The following PDE2A variants were observed in gnomAD, a reference collection of about 807,000 sequenced individuals.
The protein encoded by PDE2A is phosphodiesterase 2A, also known as cGMP-dependent 3',5'-cyclic phosphodiesterase.
PDE2A carries 53 observed loss-of-function variants against 133.6 expected under a neutral mutation model. The observed-to-expected ratio is 0.40, with a 90% CI of 0.32 to 0.50. The LOEUF (loss-of-function observed/expected upper bound fraction) is 0.50. Among genes scored for constraint, PDE2A ranks in the 20% least tolerant of loss-of-function variants. The pLI is 0.73. For missense variants in PDE2A, 796 were observed against 1,232.4 expected (o/e 0.65, Z 5.30); for synonymous variants, 491 against 490.2 (o/e 1.00, Z -0.02).
intron 23 of PDE2A, 102 bp downstream of exon 23, chr11:72,581,255 T>A (rs1038859650): frequency 3.3e-6 from 4 of 1,199,864 alleles, no homozygotes; most frequent in Non-Finnish European, 3.6e-6. Context: ...GAAGATCCCA[T>A]GAGGCAGTGC....
In PDE2A at chr11:72,590,851, G is replaced by T. The variant is rs1176856815; in HGVS notation, c.550-271C>A. The T allele has an allele frequency of 9.8e-6, 4 of 407,520 alleles. No homozygotes were observed. Among genetic ancestry groups the T allele is most frequent in the Non-Finnish European group, 1.7e-5 (4 of 232,732 alleles). The allele number at this position is 407,520 out of a possible 1,614,324, so 25.2% of individuals were successfully genotyped here. ...TAGATTCTTCCAAGACAAGATGTCA[G>T]ATTTCTGTCTCCAGCCCCCTCAGGA... On this transcript the variant is annotated intron_variant, in intron 7 of 30. Transcript: ENST00000334456. This position sits in a 1 kb window ranked among gnomAD's most constrained non-coding sequence, Gnocchi z 4.8.
At chr11:72,653,241 CAA>C (rs1854796667) in intron 1 of PDE2A, among the ~76,000 whole-genome samples, 1 of 152,096 alleles carries the variant, frequency 6.6e-6, no homozygotes, top group East Asian at 1.9e-4. Context: ...AAGAAGGAGG[CAA>C]AGAGGTCAAG....
intron 2 of PDE2A, among the ~76,000 whole-genome samples, chr11:72,640,411 G>GCA: frequency 6.6e-6 from 1 of 150,690 alleles, no homozygotes; most frequent in Admixed American, 6.6e-5. Flanking sequence ...GTACATGCAC[G>GCA]CACACACACA....
chr11:72,582,830 C>T (rs1199731040), intron 20 of PDE2A, among the ~76,000 whole-genome samples: 1 of 152,152 alleles, frequency 6.6e-6, no homozygotes, highest in East Asian at 1.9e-4. Flanking sequence ...TTCATGACAC[C>T]CCCTAACCAT....
At chr11:72,583,398 G>A (rs1182074137) in intron 20 of PDE2A, 40 bp downstream of exon 20, 17 of 1,407,530 alleles carry the variant, frequency 1.2e-5, no homozygotes, top group Non-Finnish European at 1.7e-5. Flanking sequence ...GGGTCCCCGG[G>A]GAATCTGGGA....
chr11:72,658,223 T>C (rs1854952747), intron 1 of PDE2A: 2 of 429,148 alleles, frequency 4.7e-6, no homozygotes, highest in Admixed American at 4.9e-5. Context: ...GGGTGAGGGT[T>C]CTGGTCTCCC....
intron 4 of PDE2A, among the ~76,000 whole-genome samples, chr11:72,601,300 GAGGCTGCCCACTGTCACTGGGCCC>G: frequency 1.2e-5 from 1 of 86,112 alleles, no homozygotes; most frequent in Admixed American, 1.3e-4. Context: ...TCACCTCACT[GAGGCTGCCCACTGTCACTGGGCCC>G]CCATCCCCTC....
At chr11:72,596,340 A>G (rs1856475703) in intron 6 of PDE2A, among the ~76,000 whole-genome samples, 1 of 152,044 alleles carries the variant, frequency 6.6e-6, no homozygotes, top group African/African-American at 2.4e-5. Flanking sequence ...TGACTGGGCC[A>G]ATGGCTTCAT....
Position 72,578,370 on chromosome 11 carries a change from T to G in PDE2A, c.2509-31A>C. The stretch of plus-strand genomic sequence containing the variant: ...GGCATCGAGTCGTCAGGCCTGTCCC[T>G]CTCATTCCTCCATCGGGTACCAGGG... On this transcript the variant is annotated intron_variant, in intron 29 of 30. Coordinates refer to ENST00000334456, the MANE Select transcript of PDE2A (RefSeq NM_002599.5). This position sits in a 1 kb window ranked among gnomAD's most constrained non-coding sequence, Gnocchi z 4.2. 1 of 1,582,756 alleles carries G rather than the reference T, an allele frequency of 6.3e-7. No homozygotes were observed. Among genetic ancestry groups the G allele is most frequent in the South Asian group, 1.1e-5 (1 of 90,450 alleles).
Position 72,578,568 on chromosome 11 carries a change from C to G in PDE2A, c.2470-54G>C. 6.9e-7 allele frequency: 1 copy of G among 1,452,920 alleles called. No individual in the cohort carries two copies. Among genetic ancestry groups the G allele is most frequent in the South Asian group, 1.1e-5 (1 of 87,782 alleles). The allele number at this position is 1,452,920 out of a possible 1,614,324, so 90.0% of individuals were successfully genotyped here. Reference sequence around the variant, plus strand: ...TCTATGTAGGATACATCCACCCAAGCTCCTCTGACAGCCCGTTCCCAGGAG... The same window carrying G: ...TCTATGTAGGATACATCCACCCAAGGTCCTCTGACAGCCCGTTCCCAGGAG... On this transcript the variant is annotated intron_variant, in intron 28 of 30. Coordinates refer to ENST00000334456, the MANE Select transcript of PDE2A (RefSeq NM_002599.5). The surrounding 1 kb of genome is among the most constrained non-coding windows in gnomAD (Gnocchi z 4.2).
intron 4 of PDE2A, among the ~76,000 whole-genome samples, chr11:72,603,669 C>T (rs1251211531): frequency 6.6e-6 from 1 of 152,210 alleles, no homozygotes; most frequent in African/African-American, 2.4e-5. Flanking sequence ...GACATGACCA[C>T]ATTTTTCCCC....
At position 72,630,962 on chromosome 11, in the gene PDE2A, G is replaced by A; in HGVS notation, c.144+11292C>T. On this transcript the variant is annotated intron_variant, in intron 2 of 30. Transcript: ENST00000334456. Reference sequence around the variant, plus strand: ...GGTCCTAGTCTGGAGGGCTGGGGCTGGGATGTGACTCCAGCCTCCCCGTCC... The same window carrying A: ...GGTCCTAGTCTGGAGGGCTGGGGCTAGGATGTGACTCCAGCCTCCCCGTCC... 3 of 786,694 alleles carry A rather than the reference G, an allele frequency of 3.8e-6. No individual in the cohort carries two copies. In the African/African-American group the frequency reaches 5.1e-5, roughly 14 times the overall value. The allele number at this position is 786,694 out of a possible 1,614,324, so 48.7% of individuals were successfully genotyped here.
intron 4 of PDE2A, chr11:72,598,917 C>T (rs908391840): frequency 7.1e-6 from 7 of 985,290 alleles, no homozygotes; most frequent in African/African-American, 7.0e-5. Flanking sequence ...CTCCAGTTCC[C>T]GGCTGTCCAC....
At chr11:72,632,940 T>C (rs76216480) in intron 2 of PDE2A, among the ~76,000 whole-genome samples, 8,456 of 152,060 alleles carry the variant, frequency 0.056, 798 homozygotes, top group African/African-American at 0.19. Context: ...GATGAGGGGA[T>C]TCTTAGCTAG....
intron 2 of PDE2A, among the ~76,000 whole-genome samples, chr11:72,640,778 T>C (rs1858919375): frequency 6.6e-6 from 1 of 151,784 alleles, no homozygotes; most frequent in Admixed American, 6.6e-5. Context: ...ATGCAAGCTG[T>C]CCCTACAACA....
chr11:72,617,825 G>C (rs1287527410), intron 2 of PDE2A, among the ~76,000 whole-genome samples: 1 of 152,190 alleles, frequency 6.6e-6, no homozygotes, highest in Non-Finnish European at 1.5e-5. Context: ...CCTCTGCACT[G>C]ACTCCTGCCC....
chr11:72,626,152 A>G (rs1296693122), intron 2 of PDE2A, among the ~76,000 whole-genome samples: 3 of 152,248 alleles, frequency 2.0e-5, no homozygotes, highest in Non-Finnish European at 4.4e-5. Context: ...TTCTCTGGGT[A>G]TAAGTCCCCG....
chr11:72,651,332 G>A lies in PDE2A; in HGVS notation c.72-9006C>T, dbSNP rs150251734. Among the ~76,000 whole-genome samples the A allele has an allele frequency of 7.9e-5, 12 of 152,280 alleles. No individual in the cohort carries two copies. In the East Asian group the frequency reaches 2.1e-3, roughly 27 times the overall value. On this transcript the variant is annotated intron_variant, in intron 1 of 30. Transcript: ENST00000334456. ...TGGGCTTGAGTCTCTGTGATGCCAG[G>A]TAAAGGGGAGGGCACAGCAGCAAGC...
At chr11:72,662,429 A>G (rs1855093004) in intron 1 of PDE2A, among the ~76,000 whole-genome samples, 1 of 152,232 alleles carries the variant, frequency 6.6e-6, no homozygotes, top group Non-Finnish European at 1.5e-5. Context: ...ATCCGACTCC[A>G]GGAGGAAGGT....
Sources: allele counts gnomAD v4.1 joint callset (sites outside exome capture counted in the v4.1 genomes callset), GRCh38; gene constraint gnomAD v4.1.1; non-coding constraint Gnocchi (gnomAD v3.1); transcripts MANE v1.5; gene names NCBI Gene and HGNC (gene_info 2026-07-23, HGNC 2026-07-21).